Variants in PRKG1 observed in about 807,000 individuals in gnomAD.
PRKG1 encodes the protein cGMP-dependent protein kinase 1.
In PRKG1, 35 loss-of-function variants were observed where a neutral mutation model predicts 88.1. That is an observed-to-expected ratio of 0.40 (90% CI 0.30 to 0.53). PRKG1 has a LOEUF of 0.53. PRKG1 is among the 20% of genes least tolerant of loss of function. PRKG1 has a pLI of 0.59. For missense variants in PRKG1, 540 were observed against 839.8 expected (o/e 0.64, Z 4.41); for synonymous variants, 303 against 292.5 (o/e 1.04, Z -0.37).
chr10:52,033,541 T>G (rs1845524782), intron 5 of PRKG1, among the ~76,000 whole-genome samples: 1 of 152,220 alleles, frequency 6.6e-6, no homozygotes, highest in Admixed American at 6.5e-5. Flanking sequence ...TTCCCAGCCT[T>G]GGAGACAGTC....
intron 1 of PRKG1, among the ~76,000 whole-genome samples, chr10:51,061,001 G>T (rs376803630): frequency 6.6e-6 from 1 of 151,166 alleles, no homozygotes; most frequent in Non-Finnish European, 1.5e-5. Flanking sequence ...ATTTTTGTCT[G>T]TCTGCTCTTA....
chr10:51,198,859 T>C lies in PRKG1; in HGVS notation c.478+45529T>C, dbSNP rs554228299. ...TTGAAACCCCTAAGTAAGATTTAGT[T>C]ATCCGTAGATTTAATCAATCCATGA... is the stretch of plus-strand genomic sequence containing the variant. On this transcript the variant is annotated intron_variant, in intron 2 of 17. Transcript: ENST00000373980. Among the ~76,000 whole-genome samples, 39 of 152,340 alleles carry C rather than the reference T, an allele frequency of 2.6e-4. No homozygotes were observed. The South Asian group carries it at 7.7e-3, about 30-fold the overall frequency.
At chr10:51,699,908 G>T (rs1465310485) in intron 3 of PRKG1, among the ~76,000 whole-genome samples, 2 of 152,240 alleles carry the variant, frequency 1.3e-5, no homozygotes, top group East Asian at 3.9e-4. Context: ...ACTGGGAGGG[G>T]ACTCTTCCCT....
chr10:52,062,605 C>T lies in PRKG1; in HGVS notation c.909C>T (p.Asp303=). 4 of 1,609,062 alleles carry T rather than the reference C, an allele frequency of 2.5e-6. No individual in the cohort carries two copies. Among genetic ancestry groups the T allele is most frequent in the Non-Finnish European group, 3.4e-6 (4 of 1,177,654 alleles). Residue 303 remains aspartate, a synonymous_variant, in exon 7 of 18, where the codon GAC becomes GAT. Transcript: ENST00000373980. Reference sequence around the variant, plus strand: ...TTCTTAGAACTTTAGGAAAAGGAGACTGGTTTGGAGAGAAAGCCTTGCAGG... The same window carrying T: ...TTCTTAGAACTTTAGGAAAAGGAGATTGGTTTGGAGAGAAAGCCTTGCAGG... ...PVFLRTLGKG[D]WFGEKALQGE... is the part of the protein sequence containing the mutation.
chr10:51,811,482 G>A (rs763592867), intron 4 of PRKG1, among the ~76,000 whole-genome samples: 1 of 152,026 alleles, frequency 6.6e-6, no homozygotes, highest in Non-Finnish European at 1.5e-5. Flanking sequence ...GAGAGAATTA[G>A]AGTTTGTTGA....
chr10:52,257,228 G>C (rs139359771), intron 10 of PRKG1, among the ~76,000 whole-genome samples: 1,659 of 139,320 alleles, frequency 0.012, 342 homozygotes, highest in Non-Finnish European at 0.021. Flanking sequence ...ATTTCACAGG[G>C]TGTGTCTGTT....
intron 4 of PRKG1, among the ~76,000 whole-genome samples, chr10:51,853,481 GCA>G (rs1840607192): frequency 2.0e-5 from 3 of 152,242 alleles, no homozygotes; most frequent in South Asian, 4.1e-4. Context: ...TATAATCATA[GCA>G]CACGTGGAGG....
intron 3 of PRKG1, among the ~76,000 whole-genome samples, chr10:51,525,188 G>A (rs1841847062): frequency 6.6e-6 from 1 of 150,472 alleles, no homozygotes; most frequent in African/African-American, 2.5e-5. Flanking sequence ...GGAGGAGGGA[G>A]AGTAGGAGGA....
At position 51,467,770 on chromosome 10, in the gene PRKG1, G is replaced by A; in HGVS notation, c.526G>A (p.Gly176Ser). 2 of 1,612,738 alleles carry A rather than the reference G, an allele frequency of 1.2e-6. No homozygotes were observed. The highest frequency in any genetic ancestry group is 8.5e-7 in the Non-Finnish European group (1 of 1,178,988). ...AGAAGGTGTGAAGTTGTGTACCATG[G>A]GTCCAGGAAAAGTGTTTGGGGAATT... ...TKEGVKLCTM[G>S]PGKVFGELAI... Residue 176 changes from glycine to serine, a missense_variant, in exon 3 of 18, where the codon GGT becomes AGT. Gly to Ser is a moderately conservative substitution (Grantham distance 56). Transcript: ENST00000373980.
intron 2 of PRKG1, among the ~76,000 whole-genome samples, chr10:51,210,263 C>A (rs986925859): frequency 6.6e-6 from 1 of 152,042 alleles, no homozygotes; most frequent in African/African-American, 2.4e-5. Context: ...TTCTTTGAAA[C>A]CAACGAGAAC....
At chr10:51,267,098 A>G (rs1197366684) in intron 2 of PRKG1, among the ~76,000 whole-genome samples, 1 of 152,210 alleles carries the variant, frequency 6.6e-6, no homozygotes, top group Admixed American at 6.5e-5. Flanking sequence ...TGCTGCCGAC[A>G]TGAAACTTAC....
intron 7 of PRKG1, among the ~76,000 whole-genome samples, chr10:52,093,696 C>G (rs1457802828): frequency 6.6e-6 from 1 of 152,146 alleles, no homozygotes; most frequent in Non-Finnish European, 1.5e-5. Context: ...ATAATCACCT[C>G]TGTTTATTAC....
chr10:51,753,350 A>AATT (rs1837775112), intron 3 of PRKG1, among the ~76,000 whole-genome samples: 1 of 151,894 alleles, frequency 6.6e-6, no homozygotes, highest in Admixed American at 6.6e-5. Context: ...ATTACTGTTT[A>AATT]ATTGCTTTTT....
intron 1 of PRKG1, among the ~76,000 whole-genome samples, chr10:51,080,533 A>G (rs970008092): frequency 6.6e-6 from 1 of 152,158 alleles, no homozygotes; most frequent in Admixed American, 6.5e-5. Flanking sequence ...CATCTCTACC[A>G]TAGGTGCTGC....
chr10:51,205,141 T>C (rs1385787482), intron 2 of PRKG1, among the ~76,000 whole-genome samples: 22 of 111,676 alleles, frequency 2.0e-4, no homozygotes, highest in East Asian at 2.4e-4. Flanking sequence ...TTTTTTTTTT[T>C]TTTTTTTTTT....
chr10:51,191,998 C>T (rs774176369), intron 2 of PRKG1, among the ~76,000 whole-genome samples: 2 of 151,800 alleles, frequency 1.3e-5, no homozygotes, highest in Non-Finnish European at 2.9e-5. Context: ...TCCACTGAAT[C>T]TGTAGTGCAG....
At chr10:51,920,487 T>C (rs1253352098) in intron 5 of PRKG1, among the ~76,000 whole-genome samples, 1 of 152,174 alleles carries the variant, frequency 6.6e-6, no homozygotes, top group African/African-American at 2.4e-5. Context: ...TCTTACAGTG[T>C]TCATGTCTTC....
intron 4 of PRKG1, among the ~76,000 whole-genome samples, chr10:51,822,221 A>G (rs1249401054): frequency 6.6e-6 from 1 of 152,108 alleles, no homozygotes; most frequent in African/African-American, 2.4e-5. Context: ...GTATACACAC[A>G]CAATGAAATA....
At chr10:51,543,305 A>G (rs576716818) in intron 3 of PRKG1, among the ~76,000 whole-genome samples, 246 of 152,340 alleles carry the variant, frequency 1.6e-3, no homozygotes, top group Non-Finnish European at 3.0e-3. Context: ...AATTCAATAA[A>G]TGAAACCTCC....
Sources: gnomAD v4.1 joint callset for allele counts (sites outside exome capture counted in the v4.1 genomes callset) on GRCh38, gnomAD v4.1.1 for gene constraint, MANE v1.5 for transcripts, NCBI Gene and HGNC (gene_info 2026-07-23, HGNC 2026-07-21) for gene names.